HOXD8: variants seen among roughly 807,000 people sequenced by gnomAD.
HOXD8 encodes homeobox D8, also known as homeobox protein Hox-D8.
In HOXD8, 17 loss-of-function variants were observed where a neutral mutation model predicts 25.4. The observed-to-expected ratio is 0.67, with a 90% CI of 0.46 to 1.00. HOXD8 has a LOEUF of 1.00. Among genes scored for constraint, HOXD8 ranks in the 50% least tolerant of loss-of-function variants. HOXD8 has a pLI of 0.00. For synonymous variants in HOXD8, 203 were observed against 175.3 expected (o/e 1.16, Z -1.25); for missense variants, 511 against 398.5 (o/e 1.28, Z -2.40).
chr2:176,131,524 C>T lies in HOXD8; in HGVS notation c.785C>T (p.Pro262Leu). The stretch of plus-strand genomic sequence containing the variant: ...AAGGAAAACAACAAGGACAAATTTC[C>T]CGTTTCCCGGCAGGAGGTGAAGGAC... ...WKKENNKDKF[P>L]VSRQEVKDGE... is the part of the protein sequence containing the mutation. The change falls in exon 2 of 2, where the codon CCC (proline) becomes CTC (leucine). Residue 262 changes from proline (P) to leucine (L), a missense_variant. Coordinates refer to ENST00000313173, the MANE Select transcript of HOXD8 (RefSeq NM_019558.4). 2 of 1,613,746 alleles carry T rather than the reference C, an allele frequency of 1.2e-6. No individual in the cohort carries two copies. Among genetic ancestry groups the T allele is most frequent in the African/African-American group, 1.3e-5 (1 of 74,914 alleles).
In HOXD8 at chr2:176,130,902, G is replaced by T; in HGVS notation, c.536G>T (p.Ser179Ile). 6.2e-7 allele frequency: 1 copy of T among 1,604,628 alleles called. No individual in the cohort carries two copies. The highest frequency in any genetic ancestry group is 8.5e-7 in the Non-Finnish European group (1 of 1,174,792). Residue 179 changes from serine to isoleucine, a missense_variant, in exon 1 of 2, where the codon AGC (serine) becomes ATC (isoleucine). Transcript: ENST00000313173. ...GAGGACCCAGACCACTTAAATCAGA[G>T]CTCGTCTCCTTCTCAAATGTTTCCG... The part of the protein sequence containing the change: ...IGEDPDHLNQ[S>I]SSPSQMFPWM...
Position 176,131,772 on chromosome 2 carries a change from G to GT in HOXD8, c.*163dup, listed in dbSNP as rs1173132872. 4.1e-5 allele frequency: 24 copies of GT among 579,010 alleles called. No homozygotes were observed. The highest frequency in any genetic ancestry group is 3.8e-4 in the African/African-American group (20 of 53,254). 35.9% of individuals were successfully genotyped at this position (579,010 alleles called of 1,614,324 possible). On this transcript the variant is annotated 3_prime_UTR_variant, in exon 2 of 2. Transcript: ENST00000313173. ...TCTGTGCTTTGAGAGGGATTTGGGT[G>GT]TTTAAAAAAGTTTCTAGTATCACAT...
rs1165071985 is a variant in HOXD8, at chr2:176,130,556, G to C, written c.190G>C (p.Ala64Pro). The C allele has an allele frequency of 6.8e-7, 1 of 1,464,300 alleles. No homozygotes were observed. The highest frequency in any genetic ancestry group is 8.9e-7 in the Non-Finnish European group (1 of 1,118,322). 90.7% of individuals were successfully genotyped at this position (1,464,300 alleles called of 1,614,324 possible). Residue 64 changes from alanine to proline, a missense_variant, in exon 1 of 2, where the codon GCG becomes CCG. Ala to Pro is a conservative substitution (Grantham distance 27, BLOSUM62 -1). Coordinates refer to ENST00000313173, the MANE Select transcript of HOXD8 (RefSeq NM_019558.4). ...CAACAGCGCCGCCGGCTTCCCGCAC[G>C]CGCCCCCGCAGGCGCACGCGCACCC... ...YGNSAAGFPH[A>P]PPQAHAHPHP...
chr2:176,131,797 T>C lies in HOXD8; in HGVS notation c.*185T>C. 5.3e-6 allele frequency: 3 copies of C among 566,960 alleles called. No homozygotes were observed. The highest frequency in any genetic ancestry group is 9.3e-6 in the Non-Finnish European group (3 of 322,544). 35.1% of individuals were successfully genotyped at this position (566,960 alleles called of 1,614,324 possible). A position where few individuals can be genotyped will look rare whatever the true frequency, so the allele number is the denominator to read the frequency against. ...GTTTAAAAAAGTTTCTAGTATCACA[T>C]AGAAGCTGTCCTTGAGCTGTCCTAT... is the stretch of plus-strand genomic sequence containing the variant. On this transcript the variant is annotated 3_prime_UTR_variant, in exon 2 of 2. Transcript: ENST00000313173.
Position 176,129,716 on chromosome 2 carries a change from T to C in HOXD8, c.-651T>C, listed in dbSNP as rs1253578679. 1 of 367,570 alleles carries C rather than the reference T, an allele frequency of 2.7e-6. No homozygotes were observed. Among genetic ancestry groups the C allele is most frequent in the Non-Finnish European group, 5.6e-6 (1 of 178,674 alleles). The allele number at this position is 367,570 out of a possible 1,614,324, so 22.8% of individuals were successfully genotyped here. Reference sequence around the variant, plus strand: ...CTGCGCGCGGATCCCTCCGCGGGGCTCCTCGTCCCCGTCACGCTGACTTTC... The same window carrying C: ...CTGCGCGCGGATCCCTCCGCGGGGCCCCTCGTCCCCGTCACGCTGACTTTC... On this transcript the variant is annotated 5_prime_UTR_variant, in exon 1 of 2. Transcript: ENST00000313173.
chr2:176,130,398 C>T lies in HOXD8; in HGVS notation c.32C>T (p.Ser11Phe), dbSNP rs1690060288. 1.3e-6 allele frequency: 2 copies of T among 1,485,256 alleles called. No individual in the cohort carries two copies. The highest frequency in any genetic ancestry group is 1.3e-5 in the South Asian group (1 of 79,334). 92.0% of individuals were successfully genotyped at this position (1,485,256 alleles called of 1,614,324 possible). ...TCGTACTTCGTGAACCCGCTGTACT[C>T]CAAGTACAAGGCGGCGGCTGCGGCG... MSSYFVNPLY[S>F]KYKAAAAAAA... Residue 11 changes from serine (S) to phenylalanine (F), a missense_variant, in exon 1 of 2, where the codon TCC becomes TTC. Transcript: ENST00000313173.
chr2:176,130,308 T>A lies in HOXD8; in HGVS notation c.-59T>A, dbSNP rs974723306. 2 of 1,165,768 alleles carry A rather than the reference T, an allele frequency of 1.7e-6. No individual in the cohort carries two copies. The highest frequency in any genetic ancestry group is 4.3e-5 in the Admixed American group (1 of 23,240). The allele number at this position is 1,165,768 out of a possible 1,614,324, so 72.2% of individuals were successfully genotyped here. A position where few individuals can be genotyped will look rare whatever the true frequency, so the allele number is the denominator to read the frequency against. On this transcript the variant is annotated 5_prime_UTR_variant, in exon 1 of 2. Transcript: ENST00000313173. ...CGCGGCAGTGCGGCCGAGTCGAGGC[T>A]CGCTCTCTGGCTGCTTAGCGCCGCC...
chr2:176,130,590 C>G lies in HOXD8; in HGVS notation c.224C>G (p.Ser75Cys), dbSNP rs774208584. ...PPQAHAHPHP[S>C]PPPSGTGCGG... ...CAGGCGCACGCGCACCCGCACCCGT[C>G]CCCGCCGCCCTCCGGGACTGGGTGC... Residue 75 changes from serine to cysteine, a missense_variant, in exon 1 of 2, where the codon TCC (serine) becomes TGC (cysteine). Transcript: ENST00000313173. 5 of 1,432,704 alleles carry G rather than the reference C, an allele frequency of 3.5e-6. No individual in the cohort carries two copies. The highest frequency in any genetic ancestry group is 3.6e-6 in the Non-Finnish European group (4 of 1,096,372). 88.7% of individuals were successfully genotyped at this position (1,432,704 alleles called of 1,614,324 possible).
rs748803939 is a variant in HOXD8 at position 176,130,654 on chromosome 2, C to T, written c.288C>T (p.Pro96=). 40 of 1,549,446 alleles carry T rather than the reference C, an allele frequency of 2.6e-5. 1 individual carries two copies. Among genetic ancestry groups the T allele is most frequent in the Middle Eastern group, 3.6e-4 (2 of 5,568 alleles). The change falls in exon 1 of 2, where the codon CCC becomes CCT. Residue 96 remains proline (P), a synonymous_variant. Transcript: ENST00000313173. ...GCCGGGGCCAGGAGTACTTCCACCC[C>T]GGCGGGGGCAGCCCGGCCGCTGCCT... ...REGRGQEYFH[P]GGGSPAAAYQ...
rs1553519629 is a variant in HOXD8 at position 176,130,407 on chromosome 2, A to AGGCGGCGGC, written c.42_50dup (p.Ala21_Ala23dup). On this transcript the variant is annotated inframe_insertion, in exon 1 of 2. Transcript: ENST00000313173. ...GTGAACCCGCTGTACTCCAAGTACA[A>AGGCGGCGGC]GGCGGCGGCTGCGGCGGCGGCGGCG... 39 of 1,486,712 alleles carry AGGCGGCGGC rather than the reference A, an allele frequency of 2.6e-5. No individual in the cohort carries two copies. Among genetic ancestry groups the AGGCGGCGGC allele is most frequent in the South Asian group, 1.6e-4 (13 of 79,676 alleles). The allele number at this position is 1,486,712 out of a possible 1,614,324, so 92.1% of individuals were successfully genotyped here.
Position 176,130,454 on chromosome 2 carries a change from A to G in HOXD8, c.88A>G (p.Thr30Ala), listed in dbSNP as rs1432250079. ...GGCGGCGGGCGAGGCCATCAATCCC[A>G]CTTACTACGACTGTCACTTCGCGCC... ...AAAAGEAINP[T>A]YYDCHFAPEV... The change falls in exon 1 of 2, where the codon ACT (threonine) becomes GCT (alanine). Residue 30 changes from threonine (T) to alanine (A), a missense_variant. By Grantham distance (58) the Thr-to-Ala change is moderately conservative (BLOSUM62 0). Coordinates refer to ENST00000313173, the MANE Select transcript of HOXD8 (RefSeq NM_019558.4). 2 of 1,492,648 alleles carry G rather than the reference A, an allele frequency of 1.3e-6. No homozygotes were observed. Among genetic ancestry groups the G allele is most frequent in the Non-Finnish European group, 1.8e-6 (2 of 1,127,464 alleles). The allele number at this position is 1,492,648 out of a possible 1,614,324, so 92.5% of individuals were successfully genotyped here.
rs1690082749 is a variant in HOXD8 at position 176,130,723 on chromosome 2, G to GCCACCTCCC, written c.360_368dup (p.Pro121_Pro123dup). On this transcript the variant is annotated inframe_insertion, in exon 1 of 2. Transcript: ENST00000313173. Reference sequence around the variant, plus strand: ...CTCCTCCGCATCCTCCGCCTCCGCCGCCACCTCCCCCCTGCGGCGGGATTG... The same window carrying GCCACCTCCC: ...CTCCTCCGCATCCTCCGCCTCCGCCGCCACCTCCCCCACCTCCCCCCTGCGGCGGGATTG... 1 of 1,604,476 alleles carries GCCACCTCCC rather than the reference G, an allele frequency of 6.2e-7. No individual in the cohort carries two copies.
Position 176,130,342 on chromosome 2 carries a change from C to G in HOXD8, c.-25C>G. On this transcript the variant is annotated 5_prime_UTR_variant, in exon 1 of 2. Coordinates refer to ENST00000313173, the MANE Select transcript of HOXD8 (RefSeq NM_019558.4). The stretch of plus-strand genomic sequence containing the variant: ...GGCTGCTTAGCGCCGCCCGCCCGCC[C>G]GGGGCCGCCGCCGCTGACGCCCCAA... 2.2e-6 allele frequency: 3 copies of G among 1,379,976 alleles called. No individual in the cohort carries two copies. The highest frequency in any genetic ancestry group is 2.8e-6 in the Non-Finnish European group (3 of 1,075,936). 85.5% of individuals were successfully genotyped at this position (1,379,976 alleles called of 1,614,324 possible).
chr2:176,130,910 C>G lies in HOXD8; in HGVS notation c.544C>G (p.Pro182Ala). The G allele has an allele frequency of 3.7e-6, 6 of 1,601,368 alleles. No homozygotes were observed. Among genetic ancestry groups the G allele is most frequent in the African/African-American group, 1.3e-5 (1 of 74,140 alleles). ...DPDHLNQSSSPSQMFPWMRPQ... is the reference protein window; with the variant it reads ...DPDHLNQSSSASQMFPWMRPQ... ...AGACCACTTAAATCAGAGCTCGTCT[C>G]CTTCTCAAATGTTTCCGTGGATGAG... Residue 182 changes from proline (P) to alanine (A), a missense_variant, in exon 1 of 2, where the codon CCT becomes GCT. By Grantham distance (27) the Pro-to-Ala change is conservative (BLOSUM62 -1). Coordinates refer to ENST00000313173, the MANE Select transcript of HOXD8 (RefSeq NM_019558.4).
Position 176,130,718 on chromosome 2 carries a change from C to G in HOXD8, c.352C>G (p.Pro118Ala). 1.2e-6 allele frequency: 2 copies of G among 1,605,946 alleles called. No individual in the cohort carries two copies. The highest frequency in any genetic ancestry group is 1.7e-6 in the Non-Finnish European group (2 of 1,175,490). ...APPPPPHPPPPPPPPPCGGIA... is the reference protein window; with the variant it reads ...APPPPPHPPPAPPPPPCGGIA... ...CCCTCCTCCTCCGCATCCTCCGCCT[C>G]CGCCGCCACCTCCCCCCTGCGGCGG... The change falls in exon 1 of 2, where the codon CCG becomes GCG. Residue 118 changes from proline to alanine, a missense_variant. By Grantham distance (27) the Pro-to-Ala change is conservative. Transcript: ENST00000313173.
In HOXD8 at chr2:176,130,349, G is replaced by T. The variant is rs1485145745; in HGVS notation, c.-18G>T. ...TAGCGCCGCCCGCCCGCCCGGGGCCGCCGCCGCTGACGCCCCAATGAGTTC... is the reference window on the plus strand; with the variant it reads ...TAGCGCCGCCCGCCCGCCCGGGGCCTCCGCCGCTGACGCCCCAATGAGTTC... On this transcript the variant is annotated 5_prime_UTR_variant, in exon 1 of 2. Transcript: ENST00000313173. The T allele has an allele frequency of 1.4e-6, 2 of 1,386,264 alleles. No homozygotes were observed. Among genetic ancestry groups the T allele is most frequent in the South Asian group, 1.6e-5 (1 of 63,954 alleles). The allele number at this position is 1,386,264 out of a possible 1,614,324, so 85.9% of individuals were successfully genotyped here.
chr2:176,130,844 C>T lies in HOXD8; in HGVS notation c.478C>T (p.Pro160Ser). 6.2e-7 allele frequency: 1 copy of T among 1,613,076 alleles called. No homozygotes were observed. Among genetic ancestry groups the T allele is most frequent in the East Asian group, 2.2e-5 (1 of 44,766 alleles). Residue 160 changes from proline to serine, a missense_variant, in exon 1 of 2, where the codon CCT becomes TCT. Transcript: ENST00000313173. ...GCAAGAGGCCGAGCTGGTACAATAT[C>T]CTGACTGTAAATCGTCCAGTGGTAA... ...TQQEAELVQY[P>S]DCKSSSGNIG...
rs1690123432 is a variant in HOXD8 at position 176,131,895 on chromosome 2, C to T, written c.*283C>T. 2 of 293,136 alleles carry T rather than the reference C, an allele frequency of 6.8e-6. No homozygotes were observed. The highest frequency in any genetic ancestry group is 1.2e-5 in the Non-Finnish European group (2 of 160,234). 18.2% of individuals were successfully genotyped at this position (293,136 alleles called of 1,614,324 possible). Reference sequence around the variant, plus strand: ...TTTTAATGTCTGAGCTAGTGATTTGCCTCAACAACGTAAACTTCCTAATGA... The same window carrying T: ...TTTTAATGTCTGAGCTAGTGATTTGTCTCAACAACGTAAACTTCCTAATGA... On this transcript the variant is annotated 3_prime_UTR_variant, in exon 2 of 2. Coordinates refer to ENST00000313173, the MANE Select transcript of HOXD8 (RefSeq NM_019558.4).
chr2:176,130,504 C>G lies in HOXD8; in HGVS notation c.138C>G (p.Ala46=). ...FAPEVGGRHA[A]AAAALQLYGN... ...CCGAGGTCGGCGGCCGTCACGCCGC[C>G]GCCGCAGCAGCCCTGCAGCTCTATG... is the stretch of plus-strand genomic sequence containing the variant. The change falls in exon 1 of 2, where the codon GCC becomes GCG. Residue 46 remains alanine, a synonymous_variant. Transcript: ENST00000313173. 1 of 1,491,946 alleles carries G rather than the reference C, an allele frequency of 6.7e-7. No homozygotes were observed. The highest frequency in any genetic ancestry group is 8.9e-7 in the Non-Finnish European group (1 of 1,127,550). The allele number at this position is 1,491,946 out of a possible 1,614,324, so 92.4% of individuals were successfully genotyped here.
Sources: allele counts gnomAD v4.1 joint callset, GRCh38; gene constraint gnomAD v4.1.1; transcripts MANE v1.5; gene names NCBI Gene and HGNC (gene_info 2026-07-23, HGNC 2026-07-21).